Variants in EPG5 observed in about 807,000 individuals in gnomAD.
EPG5 encodes ectopic P granules protein 5 homolog.
A neutral mutation model predicts 302.7 loss-of-function variants in EPG5; 159 were observed. That is an observed-to-expected ratio of 0.53 (90% confidence interval 0.46 to 0.60). The LOEUF (loss-of-function observed/expected upper bound fraction) is 0.60, where lower values mean the gene tolerates loss of function less well. EPG5 is among the 20% of genes least tolerant of loss of function. EPG5 has a pLI of 0.00. For missense variants in EPG5, 2,896 were observed against 3,092.4 expected (o/e 0.94, Z 1.51); for synonymous variants, 1,158 against 1,136.8 (o/e 1.02, Z -0.37).
At chr18:45,886,185 G>C (rs9966061) in intron 29 of EPG5, among the ~76,000 whole-genome samples, 5,715 of 152,286 alleles carry the variant, frequency 0.038, 319 homozygotes, top group African/African-American at 0.12. Flanking sequence ...CTTTGACACA[G>C]CAATCATACC....
chr18:45,840,344 C>A, the EPG5 span: 1 of 1,335,762 alleles, frequency 7.5e-7, no homozygotes, highest in Non-Finnish European at 1.0e-6. Context: ...AGGGCTGGGG[C>A]TGGGGTCCTA....
Position 45,848,450 on chromosome 18 carries a change from T to C in EPG5, c.*4017A>G, listed in dbSNP as rs184589543. On this transcript the variant is annotated 3_prime_UTR_variant, in exon 44 of 44. Transcript: ENST00000282041. ...CAGTCTCAACTTGCCACTAGCTTAA[T>C]GTGCCTCCCATGGGGCACAGCTACT... The C allele has an allele frequency of 6.6e-6, 1 of 152,378 alleles. No homozygotes were observed. Among genetic ancestry groups the C allele is most frequent in the Admixed American group, 6.5e-5 (1 of 15,312 alleles). 9.4% of individuals were successfully genotyped at this position (152,378 alleles called of 1,614,324 possible). A position where few individuals can be genotyped will look rare whatever the true frequency, so the allele number is the denominator to read the frequency against.
rs530884464 is a variant in EPG5 at position 45,884,773 on chromosome 18, T to C, written c.5148A>G (p.Val1716=). The C allele has an allele frequency of 6.3e-6, 10 of 1,583,864 alleles. No homozygotes were observed. The highest frequency in any genetic ancestry group is 1.4e-5 in the African/African-American group (1 of 72,412). Residue 1716 remains valine (V), a synonymous_variant, in exon 30 of 44, where the codon GTA becomes GTG. Coordinates refer to ENST00000282041, the MANE Select transcript of EPG5 (RefSeq NM_020964.3). ...TGCTGTTCTTCAGAATGGTTTCAAG[T>C]ACTTTTCTGCACTCTGATTTAATGC... ...ISGIKSECRK[V]LETILKNSRL...
At position 45,855,640 on chromosome 18, in the gene EPG5, AC is replaced by A. The variant is rs777107353; in HGVS notation, c.7489del (p.Val2497PhefsTer9). The A allele has an allele frequency of 6.2e-7, 1 of 1,614,206 alleles. No homozygotes were observed. Among genetic ancestry groups the A allele is most frequent in the Non-Finnish European group, 8.5e-7 (1 of 1,180,018 alleles). The part of the protein sequence containing the change: ...RSMAAFLSVQ[V>X]PMEDQIRLRP... Reference sequence around the variant, plus strand: ...CAAACGGATCTGATCTTCCATAGGAACCTGAACTGAAAGGAAGGCAGCCATG... The same window carrying A: ...CAAACGGATCTGATCTTCCATAGGAACTGAACTGAAAGGAAGGCAGCCATG... On this transcript the variant is annotated frameshift_variant, in exon 43 of 44. Coordinates refer to ENST00000282041, the MANE Select transcript of EPG5 (RefSeq NM_020964.3). LOFTEE classifies it high-confidence loss of function.
At chr18:45,839,266 G>A in the EPG5 span, among the ~76,000 whole-genome samples, 2 of 152,200 alleles carry the variant, frequency 1.3e-5, no homozygotes, top group Admixed American at 6.5e-5. Flanking sequence ...TAACCAGCAC[G>A]AAAAAATCCC....
chr18:45,860,380 G>C, intron 39 of EPG5, 34 bp from the exon 40 acceptor site: 1 of 1,613,690 alleles, frequency 6.2e-7, no homozygotes, highest in Non-Finnish European at 8.5e-7. Flanking sequence ...AAGAATGGCT[G>C]CCAGAAAGGT....
intron 40 of EPG5, among the ~76,000 whole-genome samples, chr18:45,859,492 A>C (rs1412580385): frequency 6.6e-6 from 1 of 152,166 alleles, no homozygotes; most frequent in East Asian, 1.9e-4. Context: ...CACTGACTGC[A>C]GTGTGATGTG....
At chr18:45,880,833 A>G (rs2049081925) in intron 31 of EPG5, among the ~76,000 whole-genome samples, 1 of 152,190 alleles carries the variant, frequency 6.6e-6, no homozygotes, top group Non-Finnish European at 1.5e-5. Context: ...ATCAACTAAA[A>G]TAACAGGTTC....
intron 22 of EPG5, among the ~76,000 whole-genome samples, chr18:45,911,289 G>GTT (rs920890095): frequency 1.3e-4 from 16 of 127,380 alleles, no homozygotes; most frequent in Middle Eastern, 4.3e-3. Flanking sequence ...GCGCTGGGTT[G>GTT]TTTTTTTTTT....
intron 17 of EPG5, 61 bp from the exon 18 acceptor site, chr18:45,916,643 T>C: frequency 6.8e-7 from 1 of 1,479,974 alleles, no homozygotes. Flanking sequence ...GAATTTTCCC[T>C]AATTACTTAT....
intron 1 of EPG5, 91 bp downstream of exon 1, chr18:45,967,086 A>G: frequency 7.9e-7 from 1 of 1,260,576 alleles, no homozygotes; most frequent in Non-Finnish European, 1.1e-6. Context: ...GGCTCAGGGA[A>G]CGGGAGTAGA....
intron 36 of EPG5, among the ~76,000 whole-genome samples, chr18:45,869,903 T>A (rs1440787394): frequency 2.1e-5 from 3 of 141,874 alleles, no homozygotes; most frequent in Admixed American, 7.0e-5. Context: ...GAAACTACCA[T>A]AAAAACCTAA....
chr18:45,958,537 T>A (rs1323655102), intron 1 of EPG5, among the ~76,000 whole-genome samples: 2 of 152,216 alleles, frequency 1.3e-5, no homozygotes, highest in East Asian at 3.8e-4. Context: ...GCAAATTGAT[T>A]TTGACAAGAA....
the EPG5 span, among the ~76,000 whole-genome samples, chr18:45,822,166 T>A: frequency 1.3e-5 from 2 of 152,120 alleles, no homozygotes; most frequent in Non-Finnish European, 2.9e-5. Flanking sequence ...CACCATCAGA[T>A]GAATGGAGAA....
At chr18:45,905,381 C>T (rs2049725158) in intron 24 of EPG5, among the ~76,000 whole-genome samples, 1 of 152,090 alleles carries the variant, frequency 6.6e-6, no homozygotes, top group African/African-American at 2.4e-5. Flanking sequence ...CTGTGAAGTC[C>T]CAACTCATTA....
the EPG5 span, among the ~76,000 whole-genome samples, chr18:45,818,025 T>C: frequency 6.6e-6 from 1 of 152,214 alleles, no homozygotes; most frequent in African/African-American, 2.4e-5. Context: ...CTTTTTCTGT[T>C]AACATAAGTA....
At chr18:45,825,636 GC>G in the EPG5 span, 1 of 1,343,438 alleles carries the variant, frequency 7.4e-7, no homozygotes, top group Non-Finnish European at 1.0e-6. Flanking sequence ...GCCCACCCCC[GC>G]CCGCCTTCCT....
intron 13 of EPG5, among the ~76,000 whole-genome samples, chr18:45,926,415 T>C (rs889952061): frequency 2.0e-5 from 3 of 152,204 alleles, no homozygotes; most frequent in Non-Finnish European, 4.4e-5. Context: ...CATTATACCA[T>C]ACTATTCTCA....
chr18:45,885,790 T>C (rs907081987), intron 29 of EPG5, among the ~76,000 whole-genome samples: 3 of 152,156 alleles, frequency 2.0e-5, no homozygotes, highest in African/African-American at 7.2e-5. Context: ...AAAATGTTTT[T>C]TTAACACATT....
Sources: gnomAD v4.1 joint callset for allele counts (sites outside exome capture counted in the v4.1 genomes callset) on GRCh38, gnomAD v4.1.1 for gene constraint, MANE v1.5 for transcripts, NCBI Gene and HGNC (gene_info 2026-07-23, HGNC 2026-07-21) for gene names.